Variants in RBSN observed in about 807,000 individuals in gnomAD.
The protein encoded by RBSN is rabenosyn, RAB effector, also known as rabenosyn-5.
Under a neutral mutation model 60.5 loss-of-function variants are expected in RBSN, and 34 were observed. The ratio of observed to expected loss-of-function variants is 0.56; its 90% CI spans 0.43 to 0.75. The LOEUF is 0.75. Ranked by LOEUF, RBSN falls within the 30% of genes least tolerant of loss-of-function variation. RBSN has a pLI of 0.00. For missense variants in RBSN, 845 were observed against 986.8 expected (o/e 0.86, Z 1.92); for synonymous variants, 322 against 366.9 (o/e 0.88, Z 1.40).
At chr3:15,097,394 A>G (rs2043689358) in intron 2 of RBSN, among the ~76,000 whole-genome samples, 1 of 152,184 alleles carries the variant, frequency 6.6e-6, no homozygotes, top group Non-Finnish European at 1.5e-5. Flanking sequence ...AGGCGCCTGT[A>G]ATCCCAGCTA....
Position 15,073,386 on chromosome 3 carries a change from A to G in RBSN, c.*396T>C, listed in dbSNP as rs1224255727. On this transcript the variant is annotated 3_prime_UTR_variant, in exon 14 of 14. Coordinates refer to ENST00000253699, the MANE Select transcript of RBSN (RefSeq NM_022340.4). ...AAAAGGCTGCCCTATAATACTGCAT[A>G]AGGAACCAAGACTAGGCAGTAGCAA... is the stretch of plus-strand genomic sequence containing the variant. The G allele has an allele frequency of 5.3e-6, 1 of 187,628 alleles. No homozygotes were observed. The highest frequency in any genetic ancestry group is 1.5e-4 in the East Asian group (1 of 6,596). 11.6% of individuals were successfully genotyped at this position (187,628 alleles called of 1,614,324 possible).
chr3:15,084,651 G>A lies in RBSN; in HGVS notation c.598+84C>T. On this transcript the variant is annotated intron_variant, in intron 8 of 13. Coordinates refer to ENST00000253699, the MANE Select transcript of RBSN (RefSeq NM_022340.4). The surrounding 1 kb of genome is among the most constrained non-coding windows in gnomAD (Gnocchi z 4.2). ...CATGAGCCATTAATTTAACAAAAAG[G>A]TTCCACGATCCCAGTGGTAATTAGC... The A allele has an allele frequency of 6.8e-7, 1 of 1,468,688 alleles. No homozygotes were observed. 91.0% of individuals were successfully genotyped at this position (1,468,688 alleles called of 1,614,324 possible).
chr3:15,092,729 G>C (rs2043549831), intron 4 of RBSN, among the ~76,000 whole-genome samples: 1 of 152,180 alleles, frequency 6.6e-6, no homozygotes, highest in Non-Finnish European at 1.5e-5. Context: ...GTCTTTTCTA[G>C]TAACAGGGGA....
At position 15,080,716 on chromosome 3, in the gene RBSN, T is replaced by G; in HGVS notation, c.911+16A>C. ...CAGTCACCACTGGATTAGAAAAACA[T>G]AGATGAATAGCTTACTTTAATGATG... On this transcript the variant is annotated intron_variant, in intron 10 of 13. Transcript: ENST00000253699. The G allele has an allele frequency of 1.2e-6, 2 of 1,612,816 alleles. No individual in the cohort carries two copies. Among genetic ancestry groups the G allele is most frequent in the South Asian group, 1.1e-5 (1 of 90,938 alleles).
intron 10 of RBSN, among the ~76,000 whole-genome samples, chr3:15,080,469 T>C (rs9855335): frequency 0.076 from 11,619 of 152,090 alleles, 1,503 homozygotes; most frequent in African/African-American, 0.26. Flanking sequence ...TTCCCAAACC[T>C]GCTCAGTCAG....
chr3:15,085,090 T>C (rs1450476927), intron 6 of RBSN, 45 bp from the exon 7 acceptor site: 8 of 1,606,852 alleles, frequency 5.0e-6, no homozygotes. Flanking sequence ...CCAGGTGATG[T>C]ATACATGCTC....
intron 4 of RBSN, among the ~76,000 whole-genome samples, chr3:15,092,165 C>T (rs1285678308): frequency 2.0e-5 from 3 of 151,902 alleles, no homozygotes; most frequent in Non-Finnish European, 4.4e-5. Context: ...TATAGGTGTG[C>T]GCCACCATGA....
chr3:15,091,236 AATT>A, intron 4 of RBSN: 1 of 475,870 alleles, frequency 2.1e-6, no homozygotes, highest in South Asian at 8.4e-5. Flanking sequence ...AAAAAAAAAA[AATT>A]AAAACTATAC....
Position 15,082,464 on chromosome 3 carries a change from C to T in RBSN, c.743G>A (p.Arg248Gln), listed in dbSNP as rs375171028. ...SSVLDEKDDD[R>Q]IRCCTHCKDT... ...CTTGCAGTGTGTACAGCAGCGGATC[C>T]GGTCATCGTCCTTCTCATCCAGGAC... The change falls in exon 9 of 14, where the codon CGG (arginine) becomes CAG (glutamine). Residue 248 changes from arginine (R) to glutamine (Q), a missense_variant. Physicochemically the swap from Arg to Gln is conservative, Grantham distance 43. Transcript: ENST00000253699. The surrounding 1 kb of genome is among the most constrained non-coding windows in gnomAD (Gnocchi z 4.2). 4.9e-5 allele frequency: 79 copies of T among 1,614,056 alleles called. 2 individuals are homozygous for T. The Middle Eastern group carries it at 1.2e-3, about 24-fold the overall frequency.
At chr3:15,075,002 C>T in intron 13 of RBSN, 72 bp from the exon 14 acceptor site, 1 of 1,502,218 alleles carries the variant, frequency 6.7e-7, no homozygotes, top group South Asian at 1.3e-5. Context: ...CACCCACCCT[C>T]TGTTGTCCCT....
rs142210126 is a variant in RBSN at position 15,099,068 on chromosome 3, C to G, written c.-534G>C. On this transcript the variant is annotated 5_prime_UTR_variant, in exon 1 of 14. Coordinates refer to ENST00000253699, the MANE Select transcript of RBSN (RefSeq NM_022340.4). ...GCTCCTGCGGGCACCCAGGTTTGTCCCCCCCTTCAGGCCCGGGCTCTGGGC... is the reference window on the plus strand; with the variant it reads ...GCTCCTGCGGGCACCCAGGTTTGTCGCCCCCTTCAGGCCCGGGCTCTGGGC... The G allele has an allele frequency of 1.3e-5, 2 of 152,404 alleles. No homozygotes were observed. The highest frequency in any genetic ancestry group is 2.9e-5 in the Non-Finnish European group (2 of 68,184). The allele number at this position is 152,404 out of a possible 1,614,324, so 9.4% of individuals were successfully genotyped here.
Position 15,082,382 on chromosome 3 carries a change from G to C in RBSN, c.825C>G (p.Ile275Met). Residue 275 changes from isoleucine (I) to methionine (M), a missense_variant, in exon 9 of 14, where the codon ATC (isoleucine) becomes ATG (methionine). Ile to Met is a conservative substitution (Grantham distance 10). Coordinates refer to ENST00000253699, the MANE Select transcript of RBSN (RefSeq NM_022340.4). The surrounding 1 kb of genome is among the most constrained non-coding windows in gnomAD (Gnocchi z 4.2). ...CGCGAATCACCTCGTAGAGCTTCACGATGTCAGGTGTGTGCTCCTTCTCAT... is the reference window on the plus strand; with the variant it reads ...CGCGAATCACCTCGTAGAGCTTCACCATGTCAGGTGTGTGCTCCTTCTCAT... ...QIDEKEHTPD[I>M]VKLYEKLRLC... 6 of 1,612,806 alleles carry C rather than the reference G, an allele frequency of 3.7e-6. No individual in the cohort carries two copies. The highest frequency in any genetic ancestry group is 5.1e-6 in the Non-Finnish European group (6 of 1,178,846).
chr3:15,089,620 T>C (rs2043452944), intron 5 of RBSN, among the ~76,000 whole-genome samples: 1 of 151,446 alleles, frequency 6.6e-6, no homozygotes, highest in African/African-American at 2.4e-5. Context: ...TTTCTTTTTT[T>C]TTTTTCTTGA....
rs1284724140 is a variant in RBSN at position 15,073,098 on chromosome 3, A to G, written c.*684T>C. Reference sequence around the variant, plus strand: ...CTTAACTTCCTGAAAGAGACAAAAAAGAACTTAAACTGAGAAAATAGACCC... The same window carrying G: ...CTTAACTTCCTGAAAGAGACAAAAAGGAACTTAAACTGAGAAAATAGACCC... On this transcript the variant is annotated 3_prime_UTR_variant, in exon 14 of 14. Coordinates refer to ENST00000253699, the MANE Select transcript of RBSN (RefSeq NM_022340.4). 6.6e-6 allele frequency: 1 copy of G among 152,256 alleles called. No homozygotes were observed. Among genetic ancestry groups the G allele is most frequent in the African/African-American group, 2.4e-5 (1 of 41,458 alleles). 9.4% of individuals were successfully genotyped at this position (152,256 alleles called of 1,614,324 possible).
Position 15,086,720 on chromosome 3 carries a change from A to G in RBSN, c.290-759T>C, listed in dbSNP as rs567855523. Among the ~76,000 whole-genome samples the G allele has an allele frequency of 2.4e-4, 36 of 152,374 alleles. No homozygotes were observed. In the East Asian group the frequency reaches 6.9e-3, roughly 29 times the overall value. ...TTATACTTTATAAATTTGATACAAT[A>G]TGGTTTTTCCTCAGGATAAGGACAA... On this transcript the variant is annotated intron_variant, in intron 5 of 13. Coordinates refer to ENST00000253699, the MANE Select transcript of RBSN (RefSeq NM_022340.4).
Position 15,071,690 on chromosome 3 carries a change from A to C in RBSN, c.*2092T>G, listed in dbSNP as rs2042930656. The C allele has an allele frequency of 6.6e-6, 1 of 152,298 alleles. No homozygotes were observed. The highest frequency in any genetic ancestry group is 1.5e-5 in the Non-Finnish European group (1 of 68,054). The allele number at this position is 152,298 out of a possible 1,614,324, so 9.4% of individuals were successfully genotyped here. A position where few individuals can be genotyped will look rare whatever the true frequency, so the allele number is the denominator to read the frequency against. On this transcript the variant is annotated 3_prime_UTR_variant, in exon 14 of 14. Transcript: ENST00000253699. ...AATGTGCTACAGAAATGTGAACATC[A>C]ACACAAATACAGATTATTTTTTCAT...
At chr3:15,091,615 T>G (rs2043518416) in intron 4 of RBSN, 2 of 580,790 alleles carry the variant, frequency 3.4e-6, no homozygotes, top group South Asian at 4.9e-5. Flanking sequence ...TGCCAGTTCA[T>G]GCTTACAATG....
chr3:15,078,018 TAGA>T, intron 11 of RBSN, 54 bp downstream of exon 11: 1 of 1,474,830 alleles, frequency 6.8e-7, no homozygotes, highest in South Asian at 1.1e-5. Flanking sequence ...GCCATTTCAT[TAGA>T]ACAGCATCTT....
chr3:15,079,855 GT>G lies in RBSN; in HGVS notation c.911+876del, dbSNP rs780701005. ...TGTTTACAATGAAGACAGTGGTAAT[GT>G]TCGCTAATTTTGTGAATACGCTAAA... On this transcript the variant is annotated intron_variant, in intron 10 of 13. Coordinates refer to ENST00000253699, the MANE Select transcript of RBSN (RefSeq NM_022340.4). Among the ~76,000 whole-genome samples, 681 of 152,304 alleles carry G rather than the reference GT, an allele frequency of 4.5e-3. 1 individual carries two copies. Among genetic ancestry groups the G allele is most frequent in the Non-Finnish European group, 8.1e-3 (550 of 68,032 alleles).
Sources: allele counts gnomAD v4.1 joint callset (sites outside exome capture counted in the v4.1 genomes callset), GRCh38; gene constraint gnomAD v4.1.1; non-coding constraint Gnocchi (gnomAD v3.1); transcripts MANE v1.5; gene names NCBI Gene and HGNC (gene_info 2026-07-23, HGNC 2026-07-21).